The following SCFD2 variants were observed in gnomAD, a reference collection of about 807,000 sequenced individuals.
SCFD2 encodes the protein sec1 family domain containing 2, also known as sec1 family domain-containing protein 2.
Under a neutral mutation model 58.9 loss-of-function variants are expected in SCFD2, and 54 were observed. The observed-to-expected ratio is 0.92, with a 90% CI of 0.74 to 1.15. SCFD2 has a LOEUF of 1.15. Ranked by LOEUF, SCFD2 falls within the 50% of genes most tolerant of loss-of-function variation. SCFD2 has a pLI of 0.00. For synonymous variants in SCFD2, 321 were observed against 335.9 expected (o/e 0.96, Z 0.49); for missense variants, 805 against 836.6 (o/e 0.96, Z 0.47).
At chr4:52,899,102 C>T (rs374073390) in intron 7 of SCFD2, among the ~76,000 whole-genome samples, 10 of 152,138 alleles carry the variant, frequency 6.6e-5, no homozygotes, top group East Asian at 1.9e-4. Context: ...ACTCTTTATC[C>T]GATTTGCCAG....
intron 5 of SCFD2, among the ~76,000 whole-genome samples, chr4:52,938,127 T>C (rs77241802): frequency 2.2e-3 from 334 of 152,280 alleles, no homozygotes; most frequent in African/African-American, 7.8e-3. Context: ...ATGATGAAAA[T>C]AGTTAACATT....
intron 4 of SCFD2, among the ~76,000 whole-genome samples, chr4:53,238,530 G>A (rs1420786707): frequency 6.6e-6 from 1 of 151,898 alleles, no homozygotes; most frequent in Non-Finnish European, 1.5e-5. Flanking sequence ...CGGATGGGGT[G>A]GCTGCCGGGC....
At chr4:53,088,092 T>C (rs1724366315) in intron 5 of SCFD2, among the ~76,000 whole-genome samples, 1 of 152,188 alleles carries the variant, frequency 6.6e-6, no homozygotes, top group Admixed American at 6.5e-5. Flanking sequence ...CGTAAAGATT[T>C]AGAAAATTCT....
intron 4 of SCFD2, among the ~76,000 whole-genome samples, chr4:53,248,401 C>A (rs989497620): frequency 6.6e-6 from 1 of 152,196 alleles, no homozygotes; most frequent in African/African-American, 2.4e-5. Context: ...CCAGGAAATT[C>A]GAACTGGGTG....
At chr4:53,327,973 A>T (rs1411899826) in intron 2 of SCFD2, among the ~76,000 whole-genome samples, 1 of 152,050 alleles carries the variant, frequency 6.6e-6, no homozygotes, top group Non-Finnish European at 1.5e-5. Flanking sequence ...TACTAAAAAT[A>T]CAAAAAAAAG....
chr4:53,025,601 C>G (rs993879461), intron 5 of SCFD2, among the ~76,000 whole-genome samples: 1 of 152,158 alleles, frequency 6.6e-6, no homozygotes, highest in Non-Finnish European at 1.5e-5. Context: ...TCAGCATGTT[C>G]TGTTGTGATC....
intron 5 of SCFD2, among the ~76,000 whole-genome samples, chr4:53,059,622 T>C (rs1285770255): frequency 1.3e-5 from 2 of 152,036 alleles, no homozygotes; most frequent in Non-Finnish European, 2.9e-5. Flanking sequence ...CTCTTTTTTT[T>C]TTTCCTGACT....
intron 5 of SCFD2, chr4:52,957,512 C>T (rs1304334323): frequency 6.6e-6 from 1 of 152,202 alleles, no homozygotes; most frequent in Non-Finnish European, 1.5e-5. Flanking sequence ...TTTCACAAAT[C>T]CCGGGTGACC....
rs1211958519 is a variant in SCFD2 at position 52,915,879 on chromosome 4, GC to G, written c.1707+4845del. Among the ~76,000 whole-genome samples, 2 of 152,206 alleles carry G rather than the reference GC, an allele frequency of 1.3e-5. 1 individual carries two copies. ...AGCACTTGGAAAAGAACAACTGGAG[GC>G]CAGGGCTGGGCACTGTTGACAAAAG... On this transcript the variant is annotated intron_variant, in intron 6 of 8. Coordinates refer to ENST00000401642, the MANE Select transcript of SCFD2 (RefSeq NM_152540.4).
At chr4:53,328,087 A>G (rs1733270129) in intron 2 of SCFD2, among the ~76,000 whole-genome samples, 1 of 152,058 alleles carries the variant, frequency 6.6e-6, no homozygotes, top group African/African-American at 2.4e-5. Flanking sequence ...GTGAGCCGAG[A>G]TAGTGCCACT....
chr4:53,156,559 G>A (rs1232787167), intron 4 of SCFD2, among the ~76,000 whole-genome samples: 3 of 151,668 alleles, frequency 2.0e-5, no homozygotes, highest in Non-Finnish European at 4.4e-5. Context: ...TTAGCCGGGT[G>A]TGGTGGCAGG....
intron 4 of SCFD2, among the ~76,000 whole-genome samples, chr4:53,186,436 G>A (rs1727738647): frequency 6.6e-6 from 1 of 152,004 alleles, no homozygotes; most frequent in South Asian, 2.1e-4. Context: ...GCTTGGCAGA[G>A]ATTCTTGCAC....
At chr4:53,205,128 C>T (rs1345633815) in intron 4 of SCFD2, among the ~76,000 whole-genome samples, 1 of 151,982 alleles carries the variant, frequency 6.6e-6, no homozygotes, top group Admixed American at 6.6e-5. Context: ...GGGGATCCAA[C>T]ACAGGGTAGA....
At chr4:52,882,103 C>A (rs544221008) in intron 8 of SCFD2, among the ~76,000 whole-genome samples, 1 of 151,996 alleles carries the variant, frequency 6.6e-6, no homozygotes, top group South Asian at 2.1e-4. Flanking sequence ...AAGTGCGAGA[C>A]AGGGAGAAAA....
intron 4 of SCFD2, among the ~76,000 whole-genome samples, chr4:53,204,075 A>G (rs1728334212): frequency 6.6e-6 from 1 of 152,074 alleles, no homozygotes. Context: ...GAATATGTCT[A>G]TTTCAAGAAG....
chr4:52,905,966 G>T (rs1199280111), intron 7 of SCFD2, among the ~76,000 whole-genome samples: 4 of 152,122 alleles, frequency 2.6e-5, no homozygotes, highest in Non-Finnish European at 5.9e-5. Flanking sequence ...TGTATTAAAG[G>T]CACTGTGATG....
At chr4:52,891,171 C>T (rs1051310811) in intron 7 of SCFD2, among the ~76,000 whole-genome samples, 2 of 152,122 alleles carry the variant, frequency 1.3e-5, no homozygotes, top group Admixed American at 1.3e-4. Context: ...GAACACTTCA[C>T]ATCTCATGTT....
chr4:53,146,344 T>G (rs1726331207), intron 4 of SCFD2, among the ~76,000 whole-genome samples: 1 of 152,228 alleles, frequency 6.6e-6, no homozygotes, highest in Non-Finnish European at 1.5e-5. Context: ...CTGAGATTTT[T>G]GGTGGATACA....
intron 5 of SCFD2, among the ~76,000 whole-genome samples, chr4:53,108,829 A>C (rs1725082734): frequency 6.6e-6 from 1 of 152,136 alleles, no homozygotes; most frequent in African/African-American, 2.4e-5. Flanking sequence ...ACTATTCCAA[A>C]CAATGGAAAA....
Sources: gnomAD v4.1 joint callset for allele counts (sites outside exome capture counted in the v4.1 genomes callset) on GRCh38, gnomAD v4.1.1 for gene constraint, MANE v1.5 for transcripts, NCBI Gene and HGNC (gene_info 2026-07-23, HGNC 2026-07-21) for gene names.